SLC6A8: variants seen among roughly 807,000 people sequenced by gnomAD.
SLC6A8 encodes the protein sodium- and chloride-dependent creatine transporter 1.
Under a neutral mutation model 48.3 loss-of-function variants are expected in SLC6A8, and 6 were observed. That is an observed-to-expected ratio of 0.12 (90% CI 0.07 to 0.25). The LOEUF (loss-of-function observed/expected upper bound fraction) is 0.25. SLC6A8 is among the 10% of genes least tolerant of loss of function. The pLI is 1.00. For missense variants in SLC6A8, 260 were observed against 551.5 expected (o/e 0.47, Z 5.29); for synonymous variants, 245 against 244.0 (o/e 1.00, Z -0.04).
chrX:153,692,688 C>T (rs1557044788), intron 4 of SLC6A8: 1 of 364,181 alleles, frequency 2.7e-6, no homozygotes, highest in East Asian at 7.8e-5. Context: ...ATCCAATATC[C>T]CGCTCCCTGC....
At chrX:153,690,892 A>ACC (rs34305716) in intron 2 of SLC6A8, 6,393 of 166,176 alleles carry the variant, frequency 0.038, 216 homozygotes, top group African/African-American at 0.065. Flanking sequence ...GCGACTAGAA[A>ACC]CCCCCCCCCC....
In SLC6A8 at chrX:153,691,700, G is replaced by C. The variant is rs1261942353; in HGVS notation, c.644+147G>C. On this transcript the variant is annotated intron_variant, in intron 3 of 12. Coordinates refer to ENST00000253122, the MANE Select transcript of SLC6A8 (RefSeq NM_005629.4). ...CTGCCTGCCCTTGCCTGTCCTCGGAGAGTCCTGGGGCCAGCCTCGCTCCTG... is the reference window on the plus strand; with the variant it reads ...CTGCCTGCCCTTGCCTGTCCTCGGACAGTCCTGGGGCCAGCCTCGCTCCTG... 3 of 787,052 alleles carry C rather than the reference G, an allele frequency of 3.8e-6. No individual in the cohort carries two copies. In the African/African-American group the frequency reaches 6.1e-5, roughly 16 times the overall value. The allele number at this position is 787,052 out of a possible 1,213,427, so 64.9% of individuals were successfully genotyped here. A position where few individuals can be genotyped will look rare whatever the true frequency, so the allele number is the denominator to read the frequency against.
Position 153,688,756 on chromosome X carries a change from T to G in SLC6A8, c.182T>G (p.Phe61Cys), listed in dbSNP as rs1334661793. The G allele has an allele frequency of 2.6e-6, 3 of 1,136,416 alleles. No homozygotes were observed. Among genetic ancestry groups the G allele is most frequent in the Non-Finnish European group, 3.5e-6 (3 of 855,772 alleles). The allele number at this position is 1,136,416 out of a possible 1,213,427, so 93.7% of individuals were successfully genotyped here. A position where few individuals can be genotyped will look rare whatever the true frequency, so the allele number is the denominator to read the frequency against. ...PRETWTRQMD[F>C]IMSCVGFAVG... is the part of the protein sequence containing the mutation. ...GAGACCTGGACGCGCCAGATGGACT[T>G]CATCATGTCGTGCGTGGGCTTCGCC... The change falls in exon 1 of 13, where the codon TTC becomes TGC. Residue 61 changes from phenylalanine (F) to cysteine (C), a missense_variant. Phe to Cys is a radical substitution (Grantham distance 205). Transcript: ENST00000253122.
chrX:153,689,510 C>A (rs1557044031), intron 1 of SLC6A8: 1 of 745,594 alleles, frequency 1.3e-6, no homozygotes, highest in African/African-American at 2.4e-5. Flanking sequence ...TGCTGGAAGC[C>A]GAAGTGACCC....
rs782709232 is a variant in SLC6A8 at position 153,694,900 on chromosome X, C to T, written c.1767+11C>T. ...GGCACCATGGCTGAGGTAAGGCTCC[C>T]GCCCGGCCCGCCCTCCCCTCCCCTG... On this transcript the variant is annotated intron_variant, in intron 12 of 12. Transcript: ENST00000253122. 6.7e-5 allele frequency: 74 copies of T among 1,100,973 alleles called. No homozygotes were observed. Among genetic ancestry groups the T allele is most frequent in the Admixed American group, 5.9e-4 (23 of 38,881 alleles). 90.7% of individuals were successfully genotyped at this position (1,100,973 alleles called of 1,213,427 possible).
At position 153,690,906 on chromosome X, in the gene SLC6A8, C is replaced by A. The variant is rs1237940656; in HGVS notation, c.395-398C>A. ...GGCGACTAGAAACCCCCCCCCCCCA[C>A]CACCACCATCAACACCAGCTGCTGA... is the stretch of plus-strand genomic sequence containing the variant. On this transcript the variant is annotated intron_variant, in intron 2 of 12. Coordinates refer to ENST00000253122, the MANE Select transcript of SLC6A8 (RefSeq NM_005629.4). The A allele has an allele frequency of 5.7e-5, 13 of 226,577 alleles. No individual in the cohort carries two copies. The East Asian group carries it at 1.1e-3, about 20-fold the overall frequency. The allele number at this position is 226,577 out of a possible 1,213,427, so 18.7% of individuals were successfully genotyped here. A position where few individuals can be genotyped will look rare whatever the true frequency, so the allele number is the denominator to read the frequency against.
rs1557045395 is a variant in SLC6A8, at chrX:153,694,179, C to T, written c.1304C>T (p.Ala435Val). 8.3e-7 allele frequency: 1 copy of T among 1,210,465 alleles called. No homozygotes were observed. The highest frequency in any genetic ancestry group is 1.1e-6 in the Non-Finnish European group (1 of 894,319). The change falls in exon 9 of 13, where the codon GCC becomes GTC. Residue 435 changes from alanine (A) to valine (V), a missense_variant. This residue lies in a region of SLC6A8 where 18 missense variants were observed against 20.2 expected (regional missense o/e 0.89). Coordinates refer to ENST00000253122, the MANE Select transcript of SLC6A8 (RefSeq NM_005629.4). Reference sequence around the variant, plus strand: ...ACCGGCCTCCTCGACCTCCTCCCGGCCTCCTACTACTTCCGTTTCCAAAGG... The same window carrying T: ...ACCGGCCTCCTCGACCTCCTCCCGGTCTCCTACTACTTCCGTTTCCAAAGG... ...FITGLLDLLP[A>V]SYYFRFQREI...
intron 2 of SLC6A8, chrX:153,690,903 C>CCG (rs532937970): frequency 0.063 from 14,093 of 225,016 alleles, 453 homozygotes; most frequent in Non-Finnish European, 0.074. Context: ...CCCCCCCCCC[C>CCG]CACCACCACC....
In SLC6A8 at chrX:153,691,524, C is replaced by G; in HGVS notation, c.615C>G (p.Asp205Glu). 8.3e-7 allele frequency: 1 copy of G among 1,211,815 alleles called. No homozygotes were observed. The highest frequency in any genetic ancestry group is 1.1e-6 in the Non-Finnish European group (1 of 895,328). ...ACCTCACCTGTGACCAGCTTGCTGA[C>G]CGCCGGTCCCCTGTCATCGAGTTCT... ...LANLTCDQLA[D>E]RRSPVIEFWE... The change falls in exon 3 of 13, where the codon GAC (aspartate) becomes GAG (glutamate). Residue 205 changes from aspartate (D) to glutamate (E), a missense_variant. Coordinates refer to ENST00000253122, the MANE Select transcript of SLC6A8 (RefSeq NM_005629.4).
rs1159111058 is a variant in SLC6A8 at position 153,696,341 on chromosome X, G to A, written c.*1127G>A. ...ACCCCCAGGAAGGGACCCTGGACAC[G>A]GCTCCCACGTCCAGGCTTAAGGTGG... On this transcript the variant is annotated 3_prime_UTR_variant, in exon 13 of 13. Coordinates refer to ENST00000253122, the MANE Select transcript of SLC6A8 (RefSeq NM_005629.4). The A allele has an allele frequency of 1.3e-4, 42 of 329,658 alleles. No homozygotes were observed. The highest frequency in any genetic ancestry group is 4.4e-4 in the Middle Eastern group (1 of 2,262). The allele number at this position is 329,658 out of a possible 1,213,427, so 27.2% of individuals were successfully genotyped here. A position where few individuals can be genotyped will look rare whatever the true frequency, so the allele number is the denominator to read the frequency against.
chrX:153,694,517 C>T lies in SLC6A8; in HGVS notation c.1496-16C>T, dbSNP rs1472630789. ...GCAGGTCTCCAGCTTGGCCCTCCCG[C>T]CTCACCTCGCCGCAGGAGCTGACCG... On this transcript the variant is annotated splice_polypyrimidine_tract_variant and intron_variant, in intron 10 of 12. Coordinates refer to ENST00000253122, the MANE Select transcript of SLC6A8 (RefSeq NM_005629.4). The T allele has an allele frequency of 8.3e-7, 1 of 1,202,145 alleles. No homozygotes were observed. The highest frequency in any genetic ancestry group is 1.1e-6 in the Non-Finnish European group (1 of 888,545).
rs781872442 is a variant in SLC6A8, at chrX:153,696,416, TTGTC to T, written c.*1207_*1210del. On this transcript the variant is annotated 3_prime_UTR_variant, in exon 13 of 13. Transcript: ENST00000253122. ...TCTGTGTAGCAGCTTTAACCCACGTTTGTCTGTCACGTCCAGTCCCGAGACGGCT... is the reference window on the plus strand; with the variant it reads ...TCTGTGTAGCAGCTTTAACCCACGTTTGTCACGTCCAGTCCCGAGACGGCT... The T allele has an allele frequency of 1.6e-4, 54 of 330,251 alleles. No homozygotes were observed. The East Asian group carries it at 4.1e-3, about 25-fold the overall frequency. The allele number at this position is 330,251 out of a possible 1,213,427, so 27.2% of individuals were successfully genotyped here. A position where few individuals can be genotyped will look rare whatever the true frequency, so the allele number is the denominator to read the frequency against.
At chrX:153,694,661 CG>C (rs2091478284) in intron 11 of SLC6A8, 28 bp downstream of exon 11, 3 of 190,025 alleles carry the variant, frequency 1.6e-5, no homozygotes, top group Non-Finnish European at 2.8e-5. Flanking sequence ...TGGGGCAGGG[CG>C]GGGGGCGAGG....
Position 153,688,215 on chromosome X carries a change from C to A in SLC6A8, c.-360C>A. Reference sequence around the variant, plus strand: ...CGCCCCGCTAGGCTGAGCCTCGGGTCGGGCGAGGAGCCGCCGCAGCCGCCG... The same window carrying A: ...CGCCCCGCTAGGCTGAGCCTCGGGTAGGGCGAGGAGCCGCCGCAGCCGCCG... On this transcript the variant is annotated 5_prime_UTR_variant, in exon 1 of 13. Coordinates refer to ENST00000253122, the MANE Select transcript of SLC6A8 (RefSeq NM_005629.4). 1 of 99,738 alleles carries A rather than the reference C, an allele frequency of 1.0e-5. No individual in the cohort carries two copies. The highest frequency in any genetic ancestry group is 3.4e-4 in the South Asian group (1 of 2,921). 8.2% of individuals were successfully genotyped at this position (99,738 alleles called of 1,213,427 possible).
Position 153,688,701 on chromosome X carries a change from C to T in SLC6A8, c.127C>T (p.Pro43Ser), listed in dbSNP as rs1185738875. Residue 43 changes from proline to serine, a missense_variant, in exon 1 of 13, where the codon CCC becomes TCC. This residue lies in a region of SLC6A8 where 50 missense variants were observed against 55.1 expected (regional missense o/e 0.91). Coordinates refer to ENST00000253122, the MANE Select transcript of SLC6A8 (RefSeq NM_005629.4). Reference protein sequence around the residue: ...KGDGPVGLGTPGGRLAVPPRE... With the variant: ...KGDGPVGLGTSGGRLAVPPRE... ...CGACGGCCCCGTGGGCCTGGGGACA[C>T]CCGGCGGCCGCCTGGCCGTGCCGCC... The T allele has an allele frequency of 3.6e-6, 4 of 1,122,406 alleles. No homozygotes were observed. Among genetic ancestry groups the T allele is most frequent in the South Asian group, 4.1e-5 (2 of 49,366 alleles). 92.5% of individuals were successfully genotyped at this position (1,122,406 alleles called of 1,213,427 possible). A position where few individuals can be genotyped will look rare whatever the true frequency, so the allele number is the denominator to read the frequency against.
In SLC6A8 at chrX:153,691,434, C is replaced by A; in HGVS notation, c.525C>A (p.Thr175=). 8.3e-7 allele frequency: 1 copy of A among 1,211,971 alleles called. No individual in the cohort carries two copies. Among genetic ancestry groups the A allele is most frequent in the South Asian group, 1.8e-5 (1 of 57,048 alleles). The change falls in exon 3 of 13, where the codon ACC becomes ACA. Residue 175 remains threonine, a synonymous_variant. Transcript: ENST00000253122. ...TGCCCTGGGCCACATGTGGCCACAC[C>A]TGGAACACTCCCGACTGCGTGGAGA... The part of the protein sequence containing the change: ...TTLPWATCGH[T]WNTPDCVEIF...
At position 153,695,472 on chromosome X, in the gene SLC6A8, T is replaced by C; in HGVS notation, c.*258T>C. 2 of 399,081 alleles carry C rather than the reference T, an allele frequency of 5.0e-6. No homozygotes were observed. Among genetic ancestry groups the C allele is most frequent in the Non-Finnish European group, 8.8e-6 (2 of 226,016 alleles). The allele number at this position is 399,081 out of a possible 1,213,427, so 32.9% of individuals were successfully genotyped here. A position where few individuals can be genotyped will look rare whatever the true frequency, so the allele number is the denominator to read the frequency against. ...CGAGCTGGTCCTAGGCCCCGCCTAG[T>C]GCCCCACCCCCACCCACAGTGCTGC... On this transcript the variant is annotated 3_prime_UTR_variant, in exon 13 of 13. Coordinates refer to ENST00000253122, the MANE Select transcript of SLC6A8 (RefSeq NM_005629.4).
At chrX:153,692,349 C>T (rs1557044652) in intron 4 of SLC6A8, 1 of 451,405 alleles carries the variant, frequency 2.2e-6, no homozygotes, top group Admixed American at 2.8e-5. Context: ...CCACTGGTGC[C>T]CTCCTGCCAG....
At chrX:153,690,768 G>A (rs2091450890) in intron 2 of SLC6A8, 3 of 375,939 alleles carry the variant, frequency 8.0e-6, no homozygotes, top group African/African-American at 5.1e-5. Context: ...AGCACCCTTG[G>A]CTCTCTAGGT....
Sources: allele counts gnomAD v4.1 joint callset, GRCh38; gene constraint gnomAD v4.1.1; regional missense constraint gnomAD v4.1.1; transcripts MANE v1.5; gene names NCBI Gene and HGNC (gene_info 2026-07-23, HGNC 2026-07-21).